The following CDH12 variants were observed in gnomAD, a reference collection of about 807,000 sequenced individuals.
The protein encoded by CDH12 is cadherin-12.
Under a neutral mutation model 74.1 loss-of-function variants are expected in CDH12, and 41 were observed. That is an observed-to-expected ratio of 0.55 (90% CI 0.43 to 0.72). The LOEUF (loss-of-function observed/expected upper bound fraction) is 0.72, where lower values mean the gene tolerates loss of function less well. Ranked by LOEUF, CDH12 falls within the 30% of genes least tolerant of loss-of-function variation. CDH12 has a pLI of 0.00. For synonymous variants in CDH12, 399 were observed against 355.0 expected, an observed-to-expected ratio of 1.12 and a Z score of -1.39; for missense variants, 945 against 977.2, an observed-to-expected ratio of 0.97 and a Z score of 0.44.
chr5:22,851,128 C>G (rs1581062338), intron 1 of CDH12, among the ~76,000 whole-genome samples: 1 of 152,038 alleles, frequency 6.6e-6, no homozygotes, highest in African/African-American at 2.4e-5. Context: ...ATAAACTAAA[C>G]ACTGTTTGTA....
At chr5:22,197,720 A>G (rs1211988223) in intron 4 of CDH12, among the ~76,000 whole-genome samples, 2 of 152,046 alleles carry the variant, frequency 1.3e-5, no homozygotes, top group Non-Finnish European at 2.9e-5. Flanking sequence ...CATCTATACC[A>G]TAAAAAGTTT....
At chr5:22,832,734 TG>T (rs1020050370) in intron 1 of CDH12, among the ~76,000 whole-genome samples, 2 of 152,186 alleles carry the variant, frequency 1.3e-5, no homozygotes, top group Admixed American at 1.3e-4. Context: ...TTTCAGTCTT[TG>T]ACAAGTAGGT....
At chr5:22,320,297 C>T (rs1314961935) in intron 3 of CDH12, among the ~76,000 whole-genome samples, 1 of 152,120 alleles carries the variant, frequency 6.6e-6, no homozygotes, top group African/African-American at 2.4e-5. Flanking sequence ...ATTAATATGT[C>T]TTATTGAACT....
At chr5:22,581,087 C>T (rs1438893625) in intron 1 of CDH12, among the ~76,000 whole-genome samples, 1 of 152,142 alleles carries the variant, frequency 6.6e-6, no homozygotes, top group African/African-American at 2.4e-5. Context: ...GAAATTTAAA[C>T]CAGCTGCAGA....
chr5:22,779,516 G>A (rs1323904454), intron 1 of CDH12, among the ~76,000 whole-genome samples: 3 of 152,132 alleles, frequency 2.0e-5, no homozygotes, highest in African/African-American at 7.2e-5. Flanking sequence ...AGTTGATATA[G>A]TTTGGCTCTG....
At chr5:22,448,368 G>A (rs972732885) in intron 2 of CDH12, among the ~76,000 whole-genome samples, 2 of 151,452 alleles carry the variant, frequency 1.3e-5, no homozygotes, top group African/African-American at 4.8e-5. Context: ...AATTTCCTCT[G>A]TTCCTTTTCC....
chr5:22,461,795 T>G (rs1038236110), intron 2 of CDH12, among the ~76,000 whole-genome samples: 2 of 39,826 alleles, frequency 5.0e-5, no homozygotes, highest in East Asian at 6.7e-4. Context: ...AATTTTCATG[T>G]TTTTTTTTCA....
chr5:22,469,227 G>T (rs2126601925), intron 2 of CDH12, among the ~76,000 whole-genome samples: 1 of 152,274 alleles, frequency 6.6e-6, no homozygotes, highest in South Asian at 2.1e-4. Context: ...AAATTTGAAT[G>T]GTTCTTGTTT....
chr5:22,402,131 C>T (rs1291068443), intron 3 of CDH12, among the ~76,000 whole-genome samples: 2 of 152,148 alleles, frequency 1.3e-5, no homozygotes, highest in Non-Finnish European at 2.9e-5. Context: ...TAAGGTGCTG[C>T]TGTAACAATT....
At chr5:22,576,842 A>T (rs530674365) in intron 1 of CDH12, among the ~76,000 whole-genome samples, 2 of 152,282 alleles carry the variant, frequency 1.3e-5, no homozygotes, top group South Asian at 4.1e-4. Flanking sequence ...GTGCCAAGGG[A>T]AAGATGTTTT....
intron 5 of CDH12, among the ~76,000 whole-genome samples, chr5:22,019,584 T>G (rs1177127133): frequency 1.3e-5 from 2 of 152,162 alleles, no homozygotes; most frequent in Admixed American, 1.3e-4. Context: ...ACATGATGCA[T>G]GGCAAGAAGA....
chr5:21,968,872 G>A (rs1428744296), intron 6 of CDH12, among the ~76,000 whole-genome samples: 3 of 151,934 alleles, frequency 2.0e-5, no homozygotes, highest in Non-Finnish European at 2.9e-5. Flanking sequence ...GCAAAGTAAC[G>A]CAGGAACAGA....
intron 1 of CDH12, among the ~76,000 whole-genome samples, chr5:22,520,674 AC>A (rs1737015638): frequency 6.6e-6 from 1 of 152,188 alleles, no homozygotes; most frequent in Non-Finnish European, 1.5e-5. Flanking sequence ...AATGATGTCA[AC>A]TAAAGTGTAA....
rs1754711045 is a variant in CDH12 at position 21,928,849 on chromosome 5, T to C, written c.526+46242A>G. On this transcript the variant is annotated intron_variant, in intron 6 of 14. Transcript: ENST00000382254. ...TCTACATTCCACTTTGTGTTTTTGG[T>C]GATTTGTAACATTTGTAGTATAAAT... Among the ~76,000 whole-genome samples, 3 of 152,280 alleles carry C rather than the reference T, an allele frequency of 2.0e-5. No individual in the cohort carries two copies. The South Asian group carries it at 6.2e-4, about 32-fold the overall frequency.
intron 5 of CDH12, among the ~76,000 whole-genome samples, chr5:22,051,887 C>T (rs144130770): frequency 8.5e-5 from 13 of 152,050 alleles, no homozygotes; most frequent in African/African-American, 3.1e-4. Flanking sequence ...GGGGGAAGCA[C>T]ATAGATGATT....
intron 1 of CDH12, among the ~76,000 whole-genome samples, chr5:22,525,641 T>C (rs1737237519): frequency 6.6e-6 from 1 of 152,186 alleles, no homozygotes; most frequent in Non-Finnish European, 1.5e-5. Context: ...CACACCTCAT[T>C]TCCAATTTTT....
At chr5:21,880,622 T>C (rs1348607441) in intron 6 of CDH12, among the ~76,000 whole-genome samples, 7 of 57,332 alleles carry the variant, frequency 1.2e-4, no homozygotes, top group African/African-American at 4.5e-4. Flanking sequence ...CTTCCTTCTT[T>C]CTTTCTTTCT....
chr5:22,450,625 C>T (rs1395624407), intron 2 of CDH12, among the ~76,000 whole-genome samples: 1 of 151,878 alleles, frequency 6.6e-6, no homozygotes, highest in East Asian at 1.9e-4. Flanking sequence ...TGTTATGTTA[C>T]CTAAATCCTT....
At chr5:21,820,211 A>G (rs957544536) in intron 8 of CDH12, among the ~76,000 whole-genome samples, 4 of 152,028 alleles carry the variant, frequency 2.6e-5, no homozygotes, top group Non-Finnish European at 5.9e-5. Flanking sequence ...GTTCTATAAA[A>G]GAACATTTTA....
Sources: allele counts gnomAD v4.1 joint callset (sites outside exome capture counted in the v4.1 genomes callset), GRCh38; gene constraint gnomAD v4.1.1; transcripts MANE v1.5; gene names NCBI Gene and HGNC (gene_info 2026-07-23, HGNC 2026-07-21).